UNC13C: variants seen among roughly 807,000 people sequenced by gnomAD.
The protein encoded by UNC13C is unc-13 homolog C.
UNC13C carries 174 observed loss-of-function variants against 245.4 expected under a neutral mutation model. The ratio of observed to expected loss-of-function variants is 0.71; its 90% confidence interval spans 0.63 to 0.80. The LOEUF is 0.80. Ranked by LOEUF, UNC13C falls within the 30% of genes least tolerant of loss-of-function variation. The pLI is 0.00. For missense variants in UNC13C, 2,829 were observed against 2,602.9 expected (o/e 1.09, Z -1.89); for synonymous variants, 992 against 895.1 (o/e 1.11, Z -1.93).
At chr15:54,472,961 C>T (rs1012070935) in intron 19 of UNC13C, among the ~76,000 whole-genome samples, 7 of 151,678 alleles carry the variant, frequency 4.6e-5, no homozygotes, top group East Asian at 3.9e-4. Flanking sequence ...ATCCCATTAC[C>T]GAGGTAGTGA....
intron 25 of UNC13C, among the ~76,000 whole-genome samples, chr15:54,530,415 C>T (rs1895683124): frequency 6.6e-6 from 1 of 152,166 alleles, no homozygotes; most frequent in Non-Finnish European, 1.5e-5. Context: ...CCTCTTTGTG[C>T]CAAGCATGGC....
chr15:54,419,239 C>T (rs1306906056), intron 19 of UNC13C, among the ~76,000 whole-genome samples: 1 of 152,074 alleles, frequency 6.6e-6, no homozygotes, highest in African/African-American at 2.4e-5. Context: ...GAGATGAATA[C>T]ATCAGAGTAG....
At chr15:54,548,844 C>T (rs1052392223) in intron 27 of UNC13C, among the ~76,000 whole-genome samples, 2 of 152,114 alleles carry the variant, frequency 1.3e-5, no homozygotes, top group Non-Finnish European at 2.9e-5. Context: ...ATTCTTTGAG[C>T]TCCTACTATG....
chr15:54,149,023 G>C (rs1252803165), intron 4 of UNC13C, among the ~76,000 whole-genome samples: 1 of 152,098 alleles, frequency 6.6e-6, no homozygotes, highest in Non-Finnish European at 1.5e-5. Context: ...GATCATGGGG[G>C]GCAGTTTCCC....
chr15:54,004,051 C>A lies in UNC13C; in HGVS notation c.-256-8597C>A, dbSNP rs1895026771. On this transcript the variant is annotated intron_variant, in intron 1 of 32. Coordinates refer to ENST00000260323, the MANE Select transcript of UNC13C (RefSeq NM_001080534.3). ...CAAAACAAACAAACAAACAAAAAAA[C>A]CAAACTCTTACAGACTATAGTCGCC... Among the ~76,000 whole-genome samples the A allele has an allele frequency of 2.6e-5, 4 of 151,954 alleles. No homozygotes were observed. The South Asian group carries it at 6.2e-4, about 24-fold the overall frequency.
chr15:54,519,639 G>C (rs1895132662), intron 24 of UNC13C, among the ~76,000 whole-genome samples: 4 of 152,184 alleles, frequency 2.6e-5, no homozygotes, highest in Admixed American at 2.6e-4. Context: ...GCCATAGTCT[G>C]TCTGAAAATT....
chr15:54,157,225 G>A (rs2032787073), intron 4 of UNC13C, among the ~76,000 whole-genome samples: 1 of 152,216 alleles, frequency 6.6e-6, no homozygotes, highest in African/African-American at 2.4e-5. Context: ...AAAGACACAT[G>A]ATAATGTGAT....
At position 54,510,427 on chromosome 15, in the gene UNC13C, C is replaced by T. The variant is rs147773264; in HGVS notation, c.5380-1326C>T. On this transcript the variant is annotated intron_variant, in intron 23 of 32. Coordinates refer to ENST00000260323, the MANE Select transcript of UNC13C (RefSeq NM_001080534.3). ...ACTATGGAAAGGACTAAGCCCAGAT[C>T]AAGTAGTTCTCACTTATGGCTATGG... is the stretch of plus-strand genomic sequence containing the variant. Among the ~76,000 whole-genome samples the T allele has an allele frequency of 3.1e-3, 467 of 151,590 alleles. 2 individuals carry two copies. The highest frequency in any genetic ancestry group is 0.017 in the Middle Eastern group (5 of 294).
chr15:53,869,039 G>T, the UNC13C span, among the ~76,000 whole-genome samples: 1 of 152,152 alleles, frequency 6.6e-6, no homozygotes, highest in Non-Finnish European at 1.5e-5. Flanking sequence ...AACTTGGGAG[G>T]TCAAGGCTGC....
At chr15:54,009,113 TCA>T (rs984580816) in intron 1 of UNC13C, among the ~76,000 whole-genome samples, 2 of 152,174 alleles carry the variant, frequency 1.3e-5, no homozygotes, top group African/African-American at 2.4e-5. Flanking sequence ...TGGGATTGTA[TCA>T]CACACACATA....
intron 19 of UNC13C, among the ~76,000 whole-genome samples, chr15:54,477,879 G>A (rs1195263947): frequency 2.7e-5 from 4 of 149,228 alleles, no homozygotes; most frequent in Admixed American, 2.7e-4. Flanking sequence ...GTTTCAGAAG[G>A]AATGGTACCA....
intron 5 of UNC13C, among the ~76,000 whole-genome samples, chr15:54,235,961 A>C (rs1216199134): frequency 6.6e-6 from 1 of 152,102 alleles, no homozygotes; most frequent in African/African-American, 2.4e-5. Flanking sequence ...CTATATTGAA[A>C]TATGCTGCAG....
rs757565958 is a variant in UNC13C, at chr15:54,013,442, C to T, written c.539C>T (p.Ala180Val). The change falls in exon 2 of 33, where the codon GCT (alanine) becomes GTT (valine). Residue 180 changes from alanine (A) to valine (V), a missense_variant. Ala to Val is a moderately conservative substitution (Grantham distance 64, BLOSUM62 0). Coordinates refer to ENST00000260323, the MANE Select transcript of UNC13C (RefSeq NM_001080534.3). ...ERTLHGLKLG[A>V]LRKLRKWKKS... ...ACTCTACATGGCTTAAAACTGGGAG[C>T]TTTACGAAAACTGAGAAAATGGAAA... 6.2e-7 allele frequency: 1 copy of T among 1,613,846 alleles called. No homozygotes were observed.
At chr15:54,602,671 C>A (rs1899504033) in intron 30 of UNC13C, among the ~76,000 whole-genome samples, 1 of 152,002 alleles carries the variant, frequency 6.6e-6, no homozygotes, top group South Asian at 2.1e-4. Context: ...GTGTAAGGAC[C>A]ACAAAAGTCA....
rs932454019 is a variant in UNC13C at position 54,203,681 on chromosome 15, GTGAT to G, written c.3072-31342_3072-31339del. On this transcript the variant is annotated intron_variant, in intron 4 of 32. Coordinates refer to ENST00000260323, the MANE Select transcript of UNC13C (RefSeq NM_001080534.3). ...ATATATACATTTTCTTTATCCACTC[GTGAT>G]TGATTGGCATTTATACATATATGTA... Among the ~76,000 whole-genome samples, 10 of 147,306 alleles carry G rather than the reference GTGAT, an allele frequency of 6.8e-5. No homozygotes were observed. In the East Asian group the frequency reaches 8.1e-4, roughly 12 times the overall value.
At chr15:53,868,780 T>A in the UNC13C span, among the ~76,000 whole-genome samples, 13 of 152,224 alleles carry the variant, frequency 8.5e-5, no homozygotes, top group Admixed American at 2.0e-4. Flanking sequence ...GGTATGGAGA[T>A]GTCATTTGAA....
At chr15:54,388,097 A>T (rs999568820) in intron 17 of UNC13C, among the ~76,000 whole-genome samples, 1 of 147,924 alleles carries the variant, frequency 6.8e-6, no homozygotes, top group Non-Finnish European at 1.5e-5. Flanking sequence ...CCATGAGCTG[A>T]ATGACGAAAC....
At chr15:54,234,623 G>A (rs534499252) in intron 4 of UNC13C, among the ~76,000 whole-genome samples, 18 of 152,058 alleles carry the variant, frequency 1.2e-4, no homozygotes, top group Non-Finnish European at 2.6e-4. Context: ...CACAATAACT[G>A]GTATTTTTAT....
chr15:54,120,419 A>C (rs2030587700), intron 2 of UNC13C, among the ~76,000 whole-genome samples: 1 of 152,156 alleles, frequency 6.6e-6, no homozygotes, highest in Admixed American at 6.6e-5. Flanking sequence ...GCTCAGAAGA[A>C]AAAGAAAGAT....
Sources: allele counts gnomAD v4.1 joint callset (sites outside exome capture counted in the v4.1 genomes callset), GRCh38; gene constraint gnomAD v4.1.1; transcripts MANE v1.5; gene names NCBI Gene and HGNC (gene_info 2026-07-23, HGNC 2026-07-21).